Variants in GRM7 observed in about 807,000 individuals in gnomAD.
GRM7 encodes the protein glutamate metabotropic receptor 7.
A neutral mutation model predicts 84.5 loss-of-function variants in GRM7; 35 were observed. The ratio of observed to expected loss-of-function variants is 0.41; its 90% CI spans 0.32 to 0.55. The LOEUF (loss-of-function observed/expected upper bound fraction) is 0.55. GRM7 is among the 20% of genes least tolerant of loss of function. GRM7 has a pLI of 0.19. For synonymous variants in GRM7, 487 were observed against 455.1 expected (o/e 1.07, Z -0.89); for missense variants, 1,003 against 1,194.6 (o/e 0.84, Z 2.36).
At chr3:7,176,540 C>G (rs1220300927) in intron 2 of GRM7, among the ~76,000 whole-genome samples, 2 of 152,194 alleles carry the variant, frequency 1.3e-5, no homozygotes, top group Non-Finnish European at 2.9e-5. Flanking sequence ...CTACATTTAT[C>G]TGCAAAAACT....
chr3:7,325,140 C>A (rs148346226), intron 4 of GRM7, among the ~76,000 whole-genome samples: 110 of 152,248 alleles, frequency 7.2e-4, no homozygotes, highest in African/African-American at 2.5e-3. Flanking sequence ...CCTCAACTGT[C>A]TTCTAACATG....
At chr3:7,589,608 G>C (rs753949263) in intron 8 of GRM7, among the ~76,000 whole-genome samples, 1 of 152,112 alleles carries the variant, frequency 6.6e-6, no homozygotes, top group Non-Finnish European at 1.5e-5. Context: ...ATTATTCCAG[G>C]GTTGAGAGCT....
At chr3:6,994,063 A>T (rs564579805) in intron 1 of GRM7, among the ~76,000 whole-genome samples, 13 of 152,326 alleles carry the variant, frequency 8.5e-5, no homozygotes, top group African/African-American at 3.1e-4. Flanking sequence ...ATAACATCTT[A>T]GTAATGTGAT....
At chr3:7,293,518 C>T (rs1699709781) in intron 2 of GRM7, among the ~76,000 whole-genome samples, 1 of 152,172 alleles carries the variant, frequency 6.6e-6, no homozygotes. Flanking sequence ...TCTTCAGTTG[C>T]CACATTTACG....
intron 1 of GRM7, among the ~76,000 whole-genome samples, chr3:7,129,778 G>T (rs965822366): frequency 1.3e-5 from 2 of 152,152 alleles, no homozygotes; most frequent in Non-Finnish European, 2.9e-5. Flanking sequence ...TACCAGCTCT[G>T]AATTCTTTAC....
chr3:7,284,332 G>T (rs2125000757), intron 2 of GRM7, among the ~76,000 whole-genome samples: 1 of 149,534 alleles, frequency 6.7e-6, no homozygotes, highest in African/African-American at 2.5e-5. Flanking sequence ...GAGCTCTCTT[G>T]GATCTGCACA....
chr3:7,274,556 T>C (rs1489824134), intron 2 of GRM7, among the ~76,000 whole-genome samples: 1 of 152,068 alleles, frequency 6.6e-6, no homozygotes, highest in African/African-American at 2.4e-5. Context: ...TGATGTTTTA[T>C]TTTTGTTTTT....
At chr3:7,155,312 G>A (rs1284031651) in intron 2 of GRM7, among the ~76,000 whole-genome samples, 2 of 152,034 alleles carry the variant, frequency 1.3e-5, no homozygotes, top group East Asian at 1.9e-4. Context: ...GTAACCAAAA[G>A]TTGGGTAGTC....
intron 7 of GRM7, among the ~76,000 whole-genome samples, chr3:7,553,661 G>C (rs1693608531): frequency 6.6e-6 from 1 of 152,110 alleles, no homozygotes; most frequent in African/African-American, 2.4e-5. Flanking sequence ...GCCAAGAGAA[G>C]GGGAGAAAAG....
chr3:7,407,129 C>T (rs141126605), intron 4 of GRM7, among the ~76,000 whole-genome samples: 376 of 152,272 alleles, frequency 2.5e-3, no homozygotes, highest in Non-Finnish European at 3.8e-3. Flanking sequence ...CACATTTCTG[C>T]ACAGAACATT....
chr3:7,734,250 G>C (rs1050714999), intron 9 of GRM7, among the ~76,000 whole-genome samples: 1 of 131,690 alleles, frequency 7.6e-6, no homozygotes, highest in African/African-American at 2.7e-5. Context: ...GCAGGGGCGG[G>C]GGGGGGGTTT....
intron 1 of GRM7, among the ~76,000 whole-genome samples, chr3:6,987,969 A>C (rs1383603825): frequency 6.6e-6 from 1 of 150,436 alleles, no homozygotes; most frequent in Non-Finnish European, 1.5e-5. Flanking sequence ...TCAGTATGAC[A>C]TCTAGGCAGG....
intron 2 of GRM7, among the ~76,000 whole-genome samples, chr3:7,217,558 A>C (rs1356358612): frequency 6.6e-6 from 1 of 151,900 alleles, no homozygotes; most frequent in Non-Finnish European, 1.5e-5. Flanking sequence ...AATTACCTAA[A>C]ATTCTTTTTT....
intron 2 of GRM7, among the ~76,000 whole-genome samples, chr3:7,229,748 TATATATATA>T (rs1559514644): frequency 7.4e-4 from 28 of 37,852 alleles, no homozygotes; most frequent in African/African-American, 2.3e-3. Context: ...TATATATATA[TATATATATA>T]TATTTTTTTT....
At chr3:7,651,033 GA>G (rs1315467798) in intron 8 of GRM7, among the ~76,000 whole-genome samples, 3 of 124,084 alleles carry the variant, frequency 2.4e-5, no homozygotes, top group Non-Finnish European at 3.8e-5. Context: ...TGTGGGGAAA[GA>G]AGGCAGCCTC....
chr3:7,338,524 T>G (rs1173954224), intron 4 of GRM7, among the ~76,000 whole-genome samples: 3 of 152,024 alleles, frequency 2.0e-5, no homozygotes, highest in Non-Finnish European at 2.9e-5. Context: ...AAAAATATAC[T>G]AACCTTAAAA....
intron 2 of GRM7, among the ~76,000 whole-genome samples, chr3:7,273,024 CA>C (rs1437580821): frequency 6.6e-6 from 1 of 152,012 alleles, no homozygotes; most frequent in Admixed American, 6.5e-5. Context: ...CTTCATCCCA[CA>C]AAATTTGATA....
At chr3:7,537,174 A>G (rs1205684530) in intron 7 of GRM7, among the ~76,000 whole-genome samples, 1 of 151,842 alleles carries the variant, frequency 6.6e-6, no homozygotes, top group Non-Finnish European at 1.5e-5. Context: ...GATTATACAC[A>G]CCTCTAAGCT....
intron 2 of GRM7, among the ~76,000 whole-genome samples, chr3:7,224,296 T>C (rs1194623342): frequency 6.6e-6 from 1 of 152,124 alleles, no homozygotes; most frequent in African/African-American, 2.4e-5. Context: ...CGAGGTGCTA[T>C]ACACTTTTAA....
Sources: gnomAD v4.1 joint callset for allele counts (sites outside exome capture counted in the v4.1 genomes callset) on GRCh38, gnomAD v4.1.1 for gene constraint, MANE v1.5 for transcripts, NCBI Gene and HGNC (gene_info 2026-07-23, HGNC 2026-07-21) for gene names.